The following AVEN variants were observed in gnomAD, a reference collection of about 807,000 sequenced individuals.
AVEN encodes cell death regulator Aven.
AVEN carries 41 observed loss-of-function variants against 38.1 expected under a neutral mutation model. The ratio of observed to expected loss-of-function variants is 1.08; its 90% CI spans 0.84 to 1.40. The LOEUF (loss-of-function observed/expected upper bound fraction) is 1.40, where lower values mean the gene tolerates loss of function less well. Among genes scored for constraint, AVEN ranks in the 40% most tolerant of loss-of-function variants. AVEN has a pLI of 0.00. For missense variants in AVEN, 605 were observed against 438.8 expected, an observed-to-expected ratio of 1.38 and a Z score of -3.38; for synonymous variants, 206 against 171.8, an observed-to-expected ratio of 1.20 and a Z score of -1.56.
chr15:33,870,382 G>A (rs973711639), intron 4 of AVEN, among the ~76,000 whole-genome samples: 3 of 152,112 alleles, frequency 2.0e-5, no homozygotes, highest in Admixed American at 2.0e-4. Flanking sequence ...AGCTGACTGG[G>A]TCTTTCTCGT....
intron 2 of AVEN, among the ~76,000 whole-genome samples, chr15:34,068,418 G>T (rs1473029609): frequency 6.6e-6 from 1 of 152,032 alleles, no homozygotes; most frequent in African/African-American, 2.4e-5. Context: ...TGGTGCTCAA[G>T]CTAGTCTTGA....
chr15:34,012,979 G>T (rs1313885884), intron 1 of AVEN, among the ~76,000 whole-genome samples: 1 of 152,018 alleles, frequency 6.6e-6, no homozygotes, highest in African/African-American at 2.4e-5. Flanking sequence ...TTCCCCACCA[G>T]CTTTTTTAAT....
intron 2 of AVEN, among the ~76,000 whole-genome samples, chr15:33,958,061 A>G (rs1294921722): frequency 6.6e-6 from 1 of 152,232 alleles, no homozygotes; most frequent in Non-Finnish European, 1.5e-5. Flanking sequence ...ATTAAGAACC[A>G]CTATTCTATA....
chr15:33,946,107 C>A (rs932082252), intron 2 of AVEN, among the ~76,000 whole-genome samples: 1 of 152,112 alleles, frequency 6.6e-6, no homozygotes, highest in Non-Finnish European at 1.5e-5. Context: ...AAGGGCCCAG[C>A]TTCTGGTTAA....
downstream of AVEN, among the ~76,000 whole-genome samples, chr15:33,855,484 G>C (rs1277937212): frequency 2.6e-5 from 4 of 152,204 alleles, no homozygotes; most frequent in Non-Finnish European, 5.9e-5. Context: ...GATTACAGGT[G>C]TGAGCCATCG....
In AVEN at chr15:33,867,727, C is replaced by T; in HGVS notation, c.741G>A (p.Val247=). The change falls in exon 5 of 6, where the codon GTG becomes GTA. Residue 247 remains valine (V), a synonymous_variant. Transcript: ENST00000306730. ...CCAGCAACACAGGGCAGCCAGCAGCCACAGATTTCAGCTCAAAGATGGGCC... is the reference window on the plus strand; with the variant it reads ...CCAGCAACACAGGGCAGCCAGCAGCTACAGATTTCAGCTCAAAGATGGGCC... ...GRGPIFELKS[V]AAGCPVLLGK... 6.2e-7 allele frequency: 1 copy of T among 1,614,154 alleles called. No homozygotes were observed.
downstream of AVEN, chr15:33,854,959 G>A (rs767737159): frequency 3.3e-6 from 5 of 1,526,318 alleles, no homozygotes; most frequent in Non-Finnish European, 3.5e-6. Context: ...TATATGCACA[G>A]GAAAAAAAGA....
intron 1 of AVEN, among the ~76,000 whole-genome samples, chr15:34,013,848 C>G (rs1034999755): frequency 6.6e-6 from 1 of 152,044 alleles, no homozygotes; most frequent in African/African-American, 2.4e-5. Flanking sequence ...GACCCATGAG[C>G]GAGAAACAGT....
At chr15:33,877,913 C>A (rs750351321) in intron 2 of AVEN, among the ~76,000 whole-genome samples, 15 of 152,150 alleles carry the variant, frequency 9.9e-5, no homozygotes, top group Non-Finnish European at 2.2e-4. Flanking sequence ...CACACCACTG[C>A]ACTCCAGCTT....
chr15:34,062,613 G>A, intron 5 of AVEN: 1 of 970,058 alleles, frequency 1.0e-6, no homozygotes, highest in South Asian at 1.6e-5. Flanking sequence ...ATGCTGGTGT[G>A]CGAAGCTAAT....
At position 34,063,932 on chromosome 15, in the gene AVEN, C is replaced by G; in HGVS notation, n.1127-500G>C. The stretch of plus-strand genomic sequence containing the variant: ...GTCACAAGGTGAAAATCATGCCCTG[C>G]CCCTTCCCAGTGGCCAAGGAACCTT... On this transcript the variant is annotated intron_variant and non_coding_transcript_variant, in intron 4 of 11. Transcript: ENST00000675287. This position sits in a 1 kb window ranked among gnomAD's most constrained non-coding sequence, Gnocchi z 4.1. The G allele has an allele frequency of 6.2e-7, 1 of 1,614,140 alleles. No homozygotes were observed. Among genetic ancestry groups the G allele is most frequent in the Non-Finnish European group, 8.5e-7 (1 of 1,180,022 alleles).
intron 2 of AVEN, among the ~76,000 whole-genome samples, chr15:33,876,504 G>C (rs1028001863): frequency 3.3e-5 from 5 of 152,024 alleles, no homozygotes; most frequent in Non-Finnish European, 7.4e-5. Flanking sequence ...CCCGGGAGGC[G>C]GAGGTTGCAG....
chr15:34,003,240 A>G, intron 1 of AVEN, 31 bp from the exon 2 acceptor site: 5 of 1,607,764 alleles, frequency 3.1e-6, no homozygotes, highest in Non-Finnish European at 4.2e-6. Context: ...TCAATAAGTA[A>G]GCAGTGGAAA....
At chr15:34,030,347 T>C (rs1166692402) in intron 1 of AVEN, among the ~76,000 whole-genome samples, 2 of 152,088 alleles carry the variant, frequency 1.3e-5, no homozygotes, top group African/African-American at 4.8e-5. Context: ...TGGGGGGTTT[T>C]TTGTTTTGTT....
At chr15:34,006,445 G>C (rs1190085145) in intron 1 of AVEN, among the ~76,000 whole-genome samples, 22 of 152,178 alleles carry the variant, frequency 1.4e-4, no homozygotes, top group Admixed American at 1.3e-3. Flanking sequence ...GTTCAGAGAG[G>C]CTTCTCCAGT....
At chr15:33,917,353 T>A (rs1333573598) in intron 2 of AVEN, among the ~76,000 whole-genome samples, 7 of 40,946 alleles carry the variant, frequency 1.7e-4, no homozygotes, top group African/African-American at 1.2e-3. Context: ...GAAAATGTGG[T>A]GTGTGTGTGT....
At chr15:33,854,594 C>T, downstream of AVEN, 6 of 1,061,428 alleles carry the variant, frequency 5.7e-6, no homozygotes, top group South Asian at 6.3e-5. Context: ...AACACTTATA[C>T]AATGGTATAA....
intron 2 of AVEN, among the ~76,000 whole-genome samples, chr15:33,958,353 G>A (rs868794137): frequency 1.3e-4 from 20 of 152,168 alleles, no homozygotes; most frequent in Admixed American, 9.8e-4. Context: ...GCAGAGGTGG[G>A]TGGATCGCTT....
chr15:34,062,503 T>C (rs575429262), intron 5 of AVEN: 149 of 483,244 alleles, frequency 3.1e-4, no homozygotes, highest in Admixed American at 3.6e-4. Context: ...TGTAGAGAGC[T>C]GAGATCGCAC....
Sources: gnomAD v4.1 joint callset for allele counts (sites outside exome capture counted in the v4.1 genomes callset) on GRCh38, gnomAD v4.1.1 for gene constraint, Gnocchi (gnomAD v3.1) non-coding constraint, MANE v1.5 for transcripts, NCBI Gene and HGNC (gene_info 2026-07-23, HGNC 2026-07-21) for gene names.